LRIF1: variants seen among roughly 807,000 people sequenced by gnomAD.
LRIF1 encodes the protein ligand dependent nuclear receptor interacting factor 1.
Under a neutral mutation model 52.7 loss-of-function variants are expected in LRIF1, and 32 were observed. The ratio of observed to expected loss-of-function variants is 0.61; its 90% CI spans 0.46 to 0.82. The LOEUF is 0.82. Ranked by LOEUF, LRIF1 falls within the 40% of genes least tolerant of loss-of-function variation. The probability of loss-of-function intolerance (pLI) is 0.00; values close to 1 mark genes in which losing one functional copy is unlikely to be tolerated. For missense variants in LRIF1, 887 were observed against 892.0 expected (o/e 0.99, Z 0.07); for synonymous variants, 323 against 317.4 (o/e 1.02, Z -0.19).
chr1:110,953,455 A>G (rs1658565508), intron 1 of LRIF1, among the ~76,000 whole-genome samples: 1 of 152,184 alleles, frequency 6.6e-6, no homozygotes, highest in African/African-American at 2.4e-5. Flanking sequence ...AATTATTTAT[A>G]TTAGTCAATT....
chr1:110,935,599 G>A, the LRIF1 span, among the ~76,000 whole-genome samples: 4 of 152,134 alleles, frequency 2.6e-5, no homozygotes, highest in African/African-American at 9.7e-5. Flanking sequence ...GAATTGATCA[G>A]GCGGAAGAAA....
intron 1 of LRIF1, among the ~76,000 whole-genome samples, chr1:110,956,579 C>T (rs555697402): frequency 6.6e-6 from 1 of 152,130 alleles, no homozygotes; most frequent in African/African-American, 2.4e-5. Context: ...ATTTAGAAAA[C>T]AGGATGCGTG....
At chr1:110,918,099 A>G in the LRIF1 span, among the ~76,000 whole-genome samples, 1 of 152,192 alleles carries the variant, frequency 6.6e-6, no homozygotes, top group Admixed American at 6.5e-5. Context: ...AAATTTATAA[A>G]AGGTATCTAA....
At chr1:110,878,940 T>A in the LRIF1 span, among the ~76,000 whole-genome samples, 1 of 152,226 alleles carries the variant, frequency 6.6e-6, no homozygotes, top group Non-Finnish European at 1.5e-5. Context: ...ATTTATCTTT[T>A]ATTACTGAAA....
chr1:110,913,160 A>G, the LRIF1 span, among the ~76,000 whole-genome samples: 7 of 152,368 alleles, frequency 4.6e-5, no homozygotes, highest in Non-Finnish European at 2.9e-5. Context: ...CACCATATAC[A>G]ATAATCAAAT....
chr1:110,901,471 C>T, the LRIF1 span, among the ~76,000 whole-genome samples: 1 of 129,154 alleles, frequency 7.7e-6, no homozygotes, highest in Non-Finnish European at 1.7e-5. Flanking sequence ...CCACCTCGCA[C>T]CCGGCCTTTT....
chr1:110,960,737 C>A (rs1278798221), intron 1 of LRIF1, among the ~76,000 whole-genome samples: 3 of 152,184 alleles, frequency 2.0e-5, no homozygotes, highest in Admixed American at 2.0e-4. Context: ...CCTGCCAATT[C>A]ATTAACGAAG....
In LRIF1 at chr1:110,947,756, CA is replaced by C. The variant is rs879303964; in HGVS notation, c.*202del. ...TCCTTCCAAAAAAAGGTATCTAAGA[CA>C]AAGGTATAGATACCCCATGTAAATT... On this transcript the variant is annotated 3_prime_UTR_variant, in exon 4 of 4. Coordinates refer to ENST00000369763, the MANE Select transcript of LRIF1 (RefSeq NM_018372.4). The C allele has an allele frequency of 1.0e-5, 5 of 493,034 alleles. No individual in the cohort carries two copies. Among genetic ancestry groups the C allele is most frequent in the Non-Finnish European group, 1.6e-5 (5 of 309,946 alleles). 30.5% of individuals were successfully genotyped at this position (493,034 alleles called of 1,614,324 possible). A position where few individuals can be genotyped will look rare whatever the true frequency, so the allele number is the denominator to read the frequency against.
At chr1:110,891,458 A>T in the LRIF1 span, 3 of 1,613,606 alleles carry the variant, frequency 1.9e-6, no homozygotes, top group Non-Finnish European at 2.5e-6. Context: ...TTTTTCTTCA[A>T]CTTGCTCTTT....
chr1:110,950,696 G>A (rs1015980439), intron 2 of LRIF1, among the ~76,000 whole-genome samples: 3 of 151,426 alleles, frequency 2.0e-5, no homozygotes, highest in Non-Finnish European at 4.4e-5. Flanking sequence ...GTCACAAAGA[G>A]CTAATAAAAA....
chr1:110,931,587 T>G, the LRIF1 span, among the ~76,000 whole-genome samples: 1 of 152,226 alleles, frequency 6.6e-6, no homozygotes, highest in Non-Finnish European at 1.5e-5. Context: ...TTGAACTAAT[T>G]TATACTCCCA....
chr1:110,927,718 G>A, the LRIF1 span, among the ~76,000 whole-genome samples: 2 of 152,130 alleles, frequency 1.3e-5, no homozygotes, highest in Non-Finnish European at 2.9e-5. Context: ...GTTTTCCACA[G>A]TAGTGTCTCT....
chr1:110,950,858 AC>A (rs1658440171), intron 2 of LRIF1, among the ~76,000 whole-genome samples: 1 of 151,804 alleles, frequency 6.6e-6, no homozygotes, highest in Non-Finnish European at 1.5e-5. Flanking sequence ...ACCCCACAAA[AC>A]CCCAAAACCA....
At chr1:110,884,433 A>T in the LRIF1 span, among the ~76,000 whole-genome samples, 1 of 152,192 alleles carries the variant, frequency 6.6e-6, no homozygotes, top group Non-Finnish European at 1.5e-5. Flanking sequence ...AAAAGAATGT[A>T]TGTTCTGCTG....
chr1:110,879,088 G>C, the LRIF1 span, among the ~76,000 whole-genome samples: 1 of 151,920 alleles, frequency 6.6e-6, no homozygotes, highest in African/African-American at 2.4e-5. Flanking sequence ...TATGAAACAA[G>C]CAAGGGATTA....
chr1:110,904,988 A>T, the LRIF1 span, among the ~76,000 whole-genome samples: 1 of 152,226 alleles, frequency 6.6e-6, no homozygotes, highest in Non-Finnish European at 1.5e-5. Context: ...TGCAATTGGC[A>T]TATTAAAGAA....
In LRIF1 at chr1:110,963,879, T is replaced by C; in HGVS notation, c.-191A>G. ...TGTATCCCCAGGCTTCGGGACGAGG[T>C]CGCGCACCGCGCAGAAACCGGAAGG... On this transcript the variant is annotated 5_prime_UTR_variant, in exon 1 of 4. Coordinates refer to ENST00000369763, the MANE Select transcript of LRIF1 (RefSeq NM_018372.4). The C allele has an allele frequency of 6.5e-6, 3 of 458,084 alleles. No individual in the cohort carries two copies. The highest frequency in any genetic ancestry group is 1.2e-5 in the Non-Finnish European group (3 of 246,546). The allele number at this position is 458,084 out of a possible 1,614,324, so 28.4% of individuals were successfully genotyped here.
At chr1:110,889,552 C>T in the LRIF1 span, among the ~76,000 whole-genome samples, 3 of 110,090 alleles carry the variant, frequency 2.7e-5, no homozygotes, top group Admixed American at 1.8e-4. Flanking sequence ...AGCAAAACTC[C>T]GTCAAATAAA....
intron 1 of LRIF1, among the ~76,000 whole-genome samples, chr1:110,956,369 AAAG>A (rs1449609843): frequency 6.6e-6 from 1 of 152,230 alleles, no homozygotes; most frequent in Non-Finnish European, 1.5e-5. Flanking sequence ...CAAAAAAATC[AAAG>A]AAGAGCAAAA....
Sources: allele counts gnomAD v4.1 joint callset (sites outside exome capture counted in the v4.1 genomes callset), GRCh38; gene constraint gnomAD v4.1.1; transcripts MANE v1.5; gene names NCBI Gene and HGNC (gene_info 2026-07-23, HGNC 2026-07-21).